Variants in ADGRG6 observed in about 807,000 individuals in gnomAD.
The protein encoded by ADGRG6 is adhesion G protein-coupled receptor G6, also known as G-protein coupled receptor 126.
Under a neutral mutation model 142.4 loss-of-function variants are expected in ADGRG6, and 84 were observed. The ratio of observed to expected loss-of-function variants is 0.59; its 90% CI spans 0.49 to 0.71. The LOEUF is 0.71. Among genes scored for constraint, ADGRG6 ranks in the 30% least tolerant of loss-of-function variants. ADGRG6 has a pLI of 0.00. For synonymous variants in ADGRG6, 521 were observed against 520.5 expected (o/e 1.00, Z -0.01); for missense variants, 1,367 against 1,466.6 (o/e 0.93, Z 1.11).
rs759627998 is a variant in ADGRG6 at position 142,390,241 on chromosome 6, C to T, written c.1223-17C>T. The T allele has an allele frequency of 7.5e-7, 1 of 1,326,326 alleles. No individual in the cohort carries two copies. The highest frequency in any genetic ancestry group is 1.5e-5 in the African/African-American group (1 of 68,788). 82.2% of individuals were successfully genotyped at this position (1,326,326 alleles called of 1,614,324 possible). On this transcript the variant is annotated splice_polypyrimidine_tract_variant and intron_variant, in intron 6 of 24. Transcript: ENST00000367609. Reference sequence around the variant, plus strand: ...TAAACATATAATTAATGGACTAATCCTATTTCCAATGGGCAGATGGAATTA... The same window carrying T: ...TAAACATATAATTAATGGACTAATCTTATTTCCAATGGGCAGATGGAATTA...
At chr6:142,433,839 T>C (rs1015630538) in intron 22 of ADGRG6, among the ~76,000 whole-genome samples, 1 of 152,222 alleles carries the variant, frequency 6.6e-6, no homozygotes, top group Non-Finnish European at 1.5e-5. Flanking sequence ...GAGAATCGTT[T>C]GAGGCCAGGA....
chr6:142,379,403 C>T (rs1424367255), intron 4 of ADGRG6, among the ~76,000 whole-genome samples: 1 of 152,146 alleles, frequency 6.6e-6, no homozygotes, highest in African/African-American at 2.4e-5. Context: ...GGTTGTAGAA[C>T]CTAAATGATT....
chr6:142,378,664 TC>T (rs1443738029), intron 4 of ADGRG6, among the ~76,000 whole-genome samples: 1 of 152,174 alleles, frequency 6.6e-6, no homozygotes, highest in African/African-American at 2.4e-5. Flanking sequence ...TCTCTCTGCT[TC>T]CTTTCACAGC....
intron 22 of ADGRG6, 33 bp downstream of exon 22, chr6:142,420,137 T>C (rs1324766388): frequency 1.3e-6 from 2 of 1,552,008 alleles, no homozygotes; most frequent in African/African-American, 2.7e-5. Context: ...AGTCTCTGCT[T>C]TCTAATTTTG....
chr6:142,371,779 C>G (rs1781273708), intron 4 of ADGRG6, among the ~76,000 whole-genome samples: 1 of 152,226 alleles, frequency 6.6e-6, no homozygotes, highest in South Asian at 2.1e-4. Flanking sequence ...GCCACCGTGC[C>G]CGGCCCAGTT....
intron 4 of ADGRG6, among the ~76,000 whole-genome samples, chr6:142,379,246 T>C (rs1480776190): frequency 6.6e-6 from 1 of 152,212 alleles, no homozygotes; most frequent in African/African-American, 2.4e-5. Context: ...CTTCCTTTTT[T>C]CCTCTGTCTT....
rs150987646 is a variant in ADGRG6 at position 142,392,647 on chromosome 6, G to T, written c.1309-301G>T. On this transcript the variant is annotated intron_variant, in intron 7 of 24. Coordinates refer to ENST00000367609, the MANE Select transcript of ADGRG6 (RefSeq NM_198569.3). ...TGCTACTGCTTACTTGGGTGATCTT[G>T]GGCAAACCATTTCTTATCTGTGAAA... 2.5e-3 allele frequency among the ~76,000 whole-genome samples: 375 copies of T among 151,976 alleles called. 3 individuals are homozygous for T. Among genetic ancestry groups the T allele is most frequent in the African/African-American group, 8.7e-3 (361 of 41,474 alleles).
intron 2 of ADGRG6, among the ~76,000 whole-genome samples, chr6:142,323,037 A>G (rs977466505): frequency 2.0e-5 from 3 of 152,004 alleles, no homozygotes; most frequent in African/African-American, 7.2e-5. Flanking sequence ...ATGAGTGAGT[A>G]GTGAGTTGAA....
chr6:142,411,171 T>C (rs1776059348), intron 17 of ADGRG6, 134 bp from the exon 18 acceptor site: 3 of 572,184 alleles, frequency 5.2e-6, no homozygotes, highest in Admixed American at 2.8e-5. Context: ...AAAACTTTCA[T>C]AATGGTATCC....
intron 2 of ADGRG6, among the ~76,000 whole-genome samples, chr6:142,314,312 AC>A (rs1460293133): frequency 2.0e-5 from 3 of 152,216 alleles, no homozygotes; most frequent in African/African-American, 7.2e-5. Flanking sequence ...TGATGGGACC[AC>A]TAATGAAACT....
At chr6:142,348,711 A>G (rs951714436) in intron 2 of ADGRG6, among the ~76,000 whole-genome samples, 2 of 152,058 alleles carry the variant, frequency 1.3e-5, no homozygotes, top group Non-Finnish European at 2.9e-5. Flanking sequence ...ATGGGAATGT[A>G]GGAAATTTCA....
At chr6:142,420,152 A>T (rs1304782753) in intron 22 of ADGRG6, 48 bp downstream of exon 22, 2 of 1,453,106 alleles carry the variant, frequency 1.4e-6, no homozygotes, top group African/African-American at 2.8e-5. Flanking sequence ...ATTTTGTCAT[A>T]TTTGCAAGCA....
chr6:142,407,339 A>G (rs1029356255), intron 15 of ADGRG6, among the ~76,000 whole-genome samples: 2 of 151,992 alleles, frequency 1.3e-5, no homozygotes, highest in African/African-American at 4.8e-5. Flanking sequence ...ATCACCAGCT[A>G]ATAGCTGAGT....
intron 4 of ADGRG6, among the ~76,000 whole-genome samples, chr6:142,374,434 A>G (rs183056650): frequency 6.6e-6 from 1 of 152,280 alleles, no homozygotes; most frequent in African/African-American, 2.4e-5. Context: ...GAAGTTTTGG[A>G]TTTTTCTGGT....
intron 7 of ADGRG6, among the ~76,000 whole-genome samples, chr6:142,391,434 TACACACACACACACACACACACAC>T (rs35253608): frequency 7.6e-6 from 1 of 132,378 alleles, no homozygotes; most frequent in Admixed American, 7.6e-5. Flanking sequence ...AAGTGGTAGC[TACACACACACACACACACACACAC>T]ACACACACAC....
At chr6:142,377,156 G>A (rs562250484) in intron 4 of ADGRG6, among the ~76,000 whole-genome samples, 2 of 152,272 alleles carry the variant, frequency 1.3e-5, no homozygotes, top group East Asian at 3.9e-4. Context: ...CTAGAACCCG[G>A]GTTCTTGTCA....
intron 24 of ADGRG6, among the ~76,000 whole-genome samples, chr6:142,440,180 G>A (rs773837971): frequency 2.0e-5 from 3 of 152,098 alleles, no homozygotes; most frequent in Non-Finnish European, 4.4e-5. Flanking sequence ...GGGGGAAAAC[G>A]GACTAGAAGA....
intron 22 of ADGRG6, among the ~76,000 whole-genome samples, chr6:142,432,819 T>G (rs1777277817): frequency 6.6e-6 from 1 of 152,224 alleles, no homozygotes; most frequent in Admixed American, 6.5e-5. Context: ...CTCGTTCTTT[T>G]CTGATGTCCT....
At chr6:142,319,978 G>T (rs1020985457) in intron 2 of ADGRG6, among the ~76,000 whole-genome samples, 2 of 152,080 alleles carry the variant, frequency 1.3e-5, no homozygotes, top group African/African-American at 4.8e-5. Context: ...GTTAAAATAG[G>T]TTAAAAGTAT....
Sources: allele counts gnomAD v4.1 joint callset (sites outside exome capture counted in the v4.1 genomes callset), GRCh38; gene constraint gnomAD v4.1.1; transcripts MANE v1.5; gene names NCBI Gene and HGNC (gene_info 2026-07-23, HGNC 2026-07-21).